FMN1: variants seen among roughly 807,000 people sequenced by gnomAD.
The protein encoded by FMN1 is formin-1.
In FMN1, 110 loss-of-function variants were observed where a neutral mutation model predicts 132.4. The observed-to-expected ratio is 0.83, with a 90% CI of 0.71 to 0.97. The LOEUF is 0.97. Ranked by LOEUF, FMN1 falls within the 50% of genes least tolerant of loss-of-function variation. The pLI, the probability that FMN1 is intolerant of heterozygous loss-of-function variation, is 0.00. For synonymous variants in FMN1, 722 were observed against 651.7 expected, an observed-to-expected ratio of 1.11 and a Z score of -1.64; for missense variants, 1,792 against 1,705.3, an observed-to-expected ratio of 1.05 and a Z score of -0.90.
chr15:32,888,999 T>G (rs2059961936), intron 15 of FMN1, among the ~76,000 whole-genome samples: 1 of 151,936 alleles, frequency 6.6e-6, no homozygotes, highest in Non-Finnish European at 1.5e-5. Flanking sequence ...GGACCACAGG[T>G]ACGTGCCACC....
chr15:33,170,642 A>G (rs1359866399), intron 3 of FMN1, among the ~76,000 whole-genome samples: 1 of 152,150 alleles, frequency 6.6e-6, no homozygotes, highest in Non-Finnish European at 1.5e-5. Context: ...TATATGAAAA[A>G]ATGTTTGATG....
At chr15:33,159,331 G>A (rs1029373908) in intron 3 of FMN1, among the ~76,000 whole-genome samples, 5 of 152,190 alleles carry the variant, frequency 3.3e-5, no homozygotes, top group Non-Finnish European at 5.9e-5. Flanking sequence ...ATAAATGCAC[G>A]AAGAGGAATA....
intron 4 of FMN1, among the ~76,000 whole-genome samples, chr15:33,102,612 G>A (rs765185817): frequency 8.6e-5 from 13 of 151,966 alleles, no homozygotes; most frequent in Admixed American, 3.9e-4. Context: ...ATGATATTGG[G>A]TATTATGGAG....
intron 16 of FMN1, among the ~76,000 whole-genome samples, chr15:32,876,913 T>C (rs994255660): frequency 6.6e-6 from 1 of 151,282 alleles, no homozygotes; most frequent in African/African-American, 2.4e-5. Context: ...GATACAAGTG[T>C]CATTTTCCAT....
intron 19 of FMN1, among the ~76,000 whole-genome samples, chr15:32,778,197 T>A (rs533741336): frequency 7.3e-6 from 1 of 137,490 alleles, no homozygotes; most frequent in Non-Finnish European, 1.5e-5. Context: ...TATTATATAA[T>A]ACATTTATTT....
intron 16 of FMN1, among the ~76,000 whole-genome samples, chr15:32,866,638 G>C (rs990697080): frequency 1.3e-5 from 2 of 152,140 alleles, no homozygotes; most frequent in Non-Finnish European, 2.9e-5. Flanking sequence ...CAGTCCAACT[G>C]TCTTTTAAAA....
At chr15:33,182,932 A>G (rs1965752783) in intron 2 of FMN1, among the ~76,000 whole-genome samples, 1 of 152,164 alleles carries the variant, frequency 6.6e-6, no homozygotes, top group Non-Finnish European at 1.5e-5. Context: ...ATTGTTAACC[A>G]CTTTTTACAG....
At chr15:33,102,622 G>C (rs996952560) in intron 4 of FMN1, among the ~76,000 whole-genome samples, 1 of 152,100 alleles carries the variant, frequency 6.6e-6, no homozygotes, top group African/African-American at 2.4e-5. Context: ...GTATTATGGA[G>C]ACCACAATGG....
At chr15:32,968,572 A>T in intron 8 of FMN1, 142 bp downstream of exon 8, 1 of 1,291,946 alleles carries the variant, frequency 7.7e-7, no homozygotes, top group Non-Finnish European at 1.0e-6. Context: ...AAACATCCCA[A>T]CATTGTTTAT....
chr15:32,900,286 G>A (rs1434397536), intron 13 of FMN1, 161 bp from the exon 14 acceptor site: 3 of 761,130 alleles, frequency 3.9e-6, no homozygotes, highest in Non-Finnish European at 6.9e-6. Context: ...TAAGCCATGA[G>A]TGTCTTTACA....
chr15:33,002,955 G>A (rs190717325), intron 7 of FMN1, among the ~76,000 whole-genome samples: 2 of 152,226 alleles, frequency 1.3e-5, no homozygotes, highest in East Asian at 3.9e-4. Flanking sequence ...CAGAACCAAA[G>A]ACAAAAACCA....
At chr15:33,052,328 G>GA (rs1334121698) in intron 6 of FMN1, among the ~76,000 whole-genome samples, 1 of 152,060 alleles carries the variant, frequency 6.6e-6, no homozygotes, top group African/African-American at 2.4e-5. Flanking sequence ...GAAGACTACA[G>GA]AAAAAACATG....
At chr15:33,092,632 T>A (rs1461157783) in intron 4 of FMN1, among the ~76,000 whole-genome samples, 1 of 152,090 alleles carries the variant, frequency 6.6e-6, no homozygotes. Context: ...CCAAGCTCAG[T>A]CAAACCCAGG....
chr15:32,816,743 C>T (rs138204785), intron 17 of FMN1, among the ~76,000 whole-genome samples: 39 of 152,170 alleles, frequency 2.6e-4, no homozygotes, highest in African/African-American at 8.4e-4. Context: ...AGAAATAAGT[C>T]GTAACAGAAA....
At chr15:33,162,994 C>T (rs1434108401) in intron 3 of FMN1, among the ~76,000 whole-genome samples, 2 of 152,092 alleles carry the variant, frequency 1.3e-5, no homozygotes, top group East Asian at 3.9e-4. Flanking sequence ...AATTAGCTGG[C>T]ACCTGTAGTA....
At chr15:32,779,417 C>T (rs2056592450) in intron 19 of FMN1, among the ~76,000 whole-genome samples, 1 of 152,142 alleles carries the variant, frequency 6.6e-6, no homozygotes, top group Admixed American at 6.5e-5. Context: ...ACAATATTAA[C>T]TGTTTGTGAG....
At chr15:32,898,203 T>C (rs2060205761) in intron 15 of FMN1, among the ~76,000 whole-genome samples, 1 of 152,234 alleles carries the variant, frequency 6.6e-6, no homozygotes, top group Non-Finnish European at 1.5e-5. Flanking sequence ...CTGACAGCAT[T>C]TACTTTGAGA....
chr15:32,805,965 G>A (rs1429211212), intron 17 of FMN1, among the ~76,000 whole-genome samples: 3 of 151,788 alleles, frequency 2.0e-5, no homozygotes, highest in African/African-American at 7.3e-5. Context: ...ATTATCAAGA[G>A]GTTTCATTTT....
intron 16 of FMN1, chr15:32,860,951 A>G (rs546099354): frequency 3.9e-5 from 6 of 152,218 alleles, no homozygotes; most frequent in Admixed American, 3.9e-4. Flanking sequence ...GGGAAGCAGG[A>G]AAGACATCTG....
Sources: allele counts gnomAD v4.1 joint callset (sites outside exome capture counted in the v4.1 genomes callset), GRCh38; gene constraint gnomAD v4.1.1; transcripts MANE v1.5; gene names NCBI Gene and HGNC (gene_info 2026-07-23, HGNC 2026-07-21).